CA10: variants seen among roughly 807,000 people sequenced by gnomAD.
CA10 encodes carbonic anhydrase 10 (inactive).
A neutral mutation model predicts 44.2 loss-of-function variants in CA10; 14 were observed. The observed-to-expected ratio is 0.32, with a 90% CI of 0.21 to 0.50. The LOEUF (loss-of-function observed/expected upper bound fraction) is 0.50, where lower values mean the gene tolerates loss of function less well. Among genes scored for constraint, CA10 ranks in the 20% least tolerant of loss-of-function variants. The pLI is 0.99. For missense variants in CA10, 350 were observed against 409.7 expected (o/e 0.85, Z 1.26); for synonymous variants, 159 against 141.6 (o/e 1.12, Z -0.87).
chr17:51,936,185 C>T (rs780285663), intron 2 of CA10, among the ~76,000 whole-genome samples: 3 of 152,112 alleles, frequency 2.0e-5, no homozygotes, highest in African/African-American at 4.8e-5. Context: ...TACTGAGGAC[C>T]TACTATGTGT....
At chr17:51,640,648 T>G (rs1913042772) in intron 6 of CA10, among the ~76,000 whole-genome samples, 1 of 152,180 alleles carries the variant, frequency 6.6e-6, no homozygotes, top group South Asian at 2.1e-4. Flanking sequence ...TTGCTTTGTA[T>G]GTTTGATAGG....
chr17:52,097,245 T>C (rs547811422), intron 1 of CA10, among the ~76,000 whole-genome samples: 21 of 152,328 alleles, frequency 1.4e-4, no homozygotes, highest in African/African-American at 5.1e-4. Flanking sequence ...GTTGGTATAA[T>C]CACATTTTTA....
intron 3 of CA10, among the ~76,000 whole-genome samples, chr17:51,910,303 C>T (rs1981736938): frequency 7.5e-6 from 1 of 134,188 alleles, no homozygotes; most frequent in African/African-American, 2.8e-5. Context: ...ACAAAATATC[C>T]TTCTACCAAT....
At chr17:51,821,038 TCCC>T (rs1907766685) in intron 3 of CA10, among the ~76,000 whole-genome samples, 1 of 23,816 alleles carries the variant, frequency 4.2e-5, no homozygotes, top group East Asian at 1.6e-3. Context: ...CCTCCCTCCC[TCCC>T]TCCCTCCCTC....
intron 4 of CA10, among the ~76,000 whole-genome samples, chr17:51,718,578 C>T (rs1426731318): frequency 6.6e-6 from 1 of 152,168 alleles, no homozygotes; most frequent in African/African-American, 2.4e-5. Context: ...TTGTAGTAAA[C>T]TGGTAAATGT....
At chr17:52,111,913 T>G (rs1218267581) in intron 1 of CA10, among the ~76,000 whole-genome samples, 1 of 152,098 alleles carries the variant, frequency 6.6e-6, no homozygotes, top group Non-Finnish European at 1.5e-5. Flanking sequence ...TATCTAATAC[T>G]CTCTCTACTG....
chr17:51,714,001 C>T (rs1485603941), intron 4 of CA10, among the ~76,000 whole-genome samples: 1 of 152,150 alleles, frequency 6.6e-6, no homozygotes, highest in Non-Finnish European at 1.5e-5. Flanking sequence ...AGTGGCTTTT[C>T]CGTTTCTTAT....
intron 4 of CA10, among the ~76,000 whole-genome samples, chr17:51,693,753 G>T: frequency 6.6e-6 from 1 of 152,218 alleles, no homozygotes; most frequent in East Asian, 1.9e-4. Flanking sequence ...CTAATGGGGG[G>T]CCCCTAGGTT....
At chr17:51,693,292 G>T (rs907191456) in intron 4 of CA10, among the ~76,000 whole-genome samples, 1 of 152,078 alleles carries the variant, frequency 6.6e-6, no homozygotes, top group Non-Finnish European at 1.5e-5. Context: ...GGTTTTGGCT[G>T]GTTTAGAACA....
chr17:52,002,529 T>C (rs1985460651), intron 2 of CA10, among the ~76,000 whole-genome samples: 1 of 152,088 alleles, frequency 6.6e-6, no homozygotes, highest in African/African-American at 2.4e-5. Context: ...TCTAAACCAA[T>C]GGTGAGACTT....
At chr17:51,736,888 C>A (rs1316796818) in intron 4 of CA10, among the ~76,000 whole-genome samples, 1 of 152,174 alleles carries the variant, frequency 6.6e-6, no homozygotes, top group African/African-American at 2.4e-5. Flanking sequence ...CGCAGGAACA[C>A]AGAATGATGC....
At chr17:51,967,333 G>GATATATAT (rs34446295) in intron 2 of CA10, among the ~76,000 whole-genome samples, 223 of 147,394 alleles carry the variant, frequency 1.5e-3, no homozygotes, top group Middle Eastern at 3.5e-3. Flanking sequence ...CATTACTGGA[G>GATATATAT]ATATATATAT....
At chr17:51,889,538 C>G (rs1214499507) in intron 3 of CA10, among the ~76,000 whole-genome samples, 2 of 151,740 alleles carry the variant, frequency 1.3e-5, no homozygotes, top group African/African-American at 2.4e-5. Flanking sequence ...AAAATAAAAC[C>G]AAACCAAACC....
At chr17:51,739,735 A>G (rs1904382222) in intron 4 of CA10, among the ~76,000 whole-genome samples, 1 of 152,112 alleles carries the variant, frequency 6.6e-6, no homozygotes, top group Admixed American at 6.5e-5. Flanking sequence ...CTCTCCTTAG[A>G]TCAGAGTCAT....
At chr17:52,008,527 A>G (rs7212274) in intron 2 of CA10, among the ~76,000 whole-genome samples, 4,829 of 151,878 alleles carry the variant, frequency 0.032, 264 homozygotes, top group African/African-American at 0.11. Flanking sequence ...ACTCTGCTAG[A>G]GCTTTTCTAA....
intron 4 of CA10, among the ~76,000 whole-genome samples, chr17:51,707,968 T>C (rs1221366688): frequency 6.6e-6 from 1 of 152,086 alleles, no homozygotes; most frequent in African/African-American, 2.4e-5. Context: ...AAGACACTCA[T>C]GGAGACACTT....
chr17:52,121,419 G>A (rs1056911568), intron 1 of CA10, among the ~76,000 whole-genome samples: 1 of 152,020 alleles, frequency 6.6e-6, no homozygotes, highest in Non-Finnish European at 1.5e-5. Context: ...GAAAAAAAAA[G>A]ACTTCTGCTT....
At chr17:52,063,470 G>A (rs931021944) in intron 2 of CA10, among the ~76,000 whole-genome samples, 5 of 152,222 alleles carry the variant, frequency 3.3e-5, no homozygotes, top group African/African-American at 1.2e-4. Flanking sequence ...GATTCGCAAT[G>A]TTGCAGGTGG....
chr17:51,826,955 C>T (rs1448570769), intron 3 of CA10, among the ~76,000 whole-genome samples: 2 of 152,172 alleles, frequency 1.3e-5, no homozygotes. Flanking sequence ...CGTTTGCAAA[C>T]AGTCCCTCTA....
Sources: allele counts gnomAD v4.1 joint callset (sites outside exome capture counted in the v4.1 genomes callset), GRCh38; gene constraint gnomAD v4.1.1; transcripts MANE v1.5; gene names NCBI Gene and HGNC (gene_info 2026-07-23, HGNC 2026-07-21).